Variants in CDIN1 observed in about 807,000 individuals in gnomAD.
CDIN1 encodes CDAN1 interacting nuclease 1, also known as CDAN1-interacting nuclease 1.
In CDIN1, 33 loss-of-function variants were observed where a neutral mutation model predicts 45.3. The observed-to-expected ratio is 0.73, with a 90% CI of 0.55 to 0.97. The LOEUF (loss-of-function observed/expected upper bound fraction) is 0.97. Ranked by LOEUF, CDIN1 falls within the 50% of genes least tolerant of loss-of-function variation. The probability of loss-of-function intolerance (pLI) is 0.00; values close to 1 mark genes in which losing one functional copy is unlikely to be tolerated. For synonymous variants in CDIN1, 118 were observed against 124.4 expected (o/e 0.95, Z 0.34); for missense variants, 303 against 339.4 (o/e 0.89, Z 0.84).
At chr15:36,667,510 T>C (rs997114647) in intron 5 of CDIN1, among the ~76,000 whole-genome samples, 1 of 152,166 alleles carries the variant, frequency 6.6e-6, no homozygotes, top group African/African-American at 2.4e-5. Flanking sequence ...CTATGGAAGG[T>C]TGAAATTCAA....
At chr15:36,710,031 T>C (rs557255697) in intron 10 of CDIN1, 70 bp downstream of exon 10, 27 of 1,194,362 alleles carry the variant, frequency 2.3e-5, no homozygotes, top group Non-Finnish European at 3.2e-5. Context: ...AAAAATATTT[T>C]GTTTAGCTGG....
rs2044106861 is a variant in CDIN1, at chr15:36,738,291, A to C, written c.716+28330A>C. Among the ~76,000 whole-genome samples, 3 of 152,244 alleles carry C rather than the reference A, an allele frequency of 2.0e-5. No homozygotes were observed. The South Asian group carries it at 6.2e-4, about 32-fold the overall frequency. On this transcript the variant is annotated intron_variant, in intron 10 of 10. Transcript: ENST00000566621. ...AATATATGGCAGATATCTCAAATTCAGCGTAGCCATATCTGAATTCCAGAT... is the reference window on the plus strand; with the variant it reads ...AATATATGGCAGATATCTCAAATTCCGCGTAGCCATATCTGAATTCCAGAT...
chr15:36,744,594 A>C (rs1487952346), intron 10 of CDIN1, among the ~76,000 whole-genome samples: 1 of 152,196 alleles, frequency 6.6e-6, no homozygotes, highest in African/African-American at 2.4e-5. Flanking sequence ...AAAATAAACA[A>C]GGAAATGAAT....
At chr15:36,717,178 G>T (rs542281285) in intron 10 of CDIN1, among the ~76,000 whole-genome samples, 1 of 152,180 alleles carries the variant, frequency 6.6e-6, no homozygotes, top group East Asian at 1.9e-4. Flanking sequence ...ACTTTATTGC[G>T]GTATAACTGA....
At chr15:36,715,199 T>A (rs1201388988) in intron 10 of CDIN1, among the ~76,000 whole-genome samples, 1 of 152,050 alleles carries the variant, frequency 6.6e-6, no homozygotes, top group Non-Finnish European at 1.5e-5. Context: ...GAGTTCTATC[T>A]GTCAGATTTT....
intron 8 of CDIN1, among the ~76,000 whole-genome samples, chr15:36,701,519 C>G: frequency 6.6e-6 from 1 of 152,000 alleles, no homozygotes; most frequent in East Asian, 1.9e-4. Context: ...TATGAAAGAG[C>G]GCATACAAAA....
At chr15:36,691,648 G>C (rs370000415) in intron 5 of CDIN1, 37 bp from the exon 6 acceptor site, 60 of 1,362,738 alleles carry the variant, frequency 4.4e-5, no homozygotes, top group Non-Finnish European at 5.7e-5. Flanking sequence ...AAAGTATGTT[G>C]ACTATCTGCT....
intron 1 of CDIN1, among the ~76,000 whole-genome samples, chr15:36,601,884 A>G (rs1325407161): frequency 6.6e-6 from 1 of 152,164 alleles, no homozygotes; most frequent in Non-Finnish European, 1.5e-5. Context: ...TTCGTCATGA[A>G]CCTGACACGA....
chr15:36,757,598 G>A (rs1021526489), intron 10 of CDIN1, among the ~76,000 whole-genome samples: 4 of 152,058 alleles, frequency 2.6e-5, no homozygotes, highest in Non-Finnish European at 5.9e-5. Flanking sequence ...ACAGCAGCCC[G>A]CTCCATCCTG....
At chr15:36,741,082 G>A (rs1595542875) in intron 10 of CDIN1, among the ~76,000 whole-genome samples, 1 of 152,150 alleles carries the variant, frequency 6.6e-6, no homozygotes, top group Non-Finnish European at 1.5e-5. Flanking sequence ...GAATATAGGT[G>A]TGGACCACCA....
chr15:36,713,945 G>T (rs1210348334), intron 10 of CDIN1, among the ~76,000 whole-genome samples: 1 of 152,106 alleles, frequency 6.6e-6, no homozygotes, highest in Non-Finnish European at 1.5e-5. Context: ...TTATCTACTG[G>T]TTTTATCCAT....
chr15:36,607,745 G>A (rs574478868), intron 1 of CDIN1, among the ~76,000 whole-genome samples: 2 of 152,046 alleles, frequency 1.3e-5, no homozygotes, highest in South Asian at 2.1e-4. Context: ...CCCTTTTTAA[G>A]TGTACAATTC....
At chr15:36,729,594 A>T (rs2043767268) in intron 10 of CDIN1, among the ~76,000 whole-genome samples, 1 of 152,172 alleles carries the variant, frequency 6.6e-6, no homozygotes, top group South Asian at 2.1e-4. Flanking sequence ...TTTACATCTG[A>T]ATTGTCAAAG....
intron 5 of CDIN1, chr15:36,668,943 A>G (rs1203664035): frequency 6.6e-6 from 1 of 152,154 alleles, no homozygotes; most frequent in Non-Finnish European, 1.5e-5. Context: ...TGATTTTTAT[A>G]GTAATAGGCA....
chr15:36,643,823 C>T (rs1298305990), intron 1 of CDIN1, among the ~76,000 whole-genome samples: 1 of 152,114 alleles, frequency 6.6e-6, no homozygotes, highest in Non-Finnish European at 1.5e-5. Context: ...AAAGTTTTCT[C>T]CCTGAAACTG....
chr15:36,668,879 T>G (rs2041346428), intron 5 of CDIN1: 1 of 152,082 alleles, frequency 6.6e-6, no homozygotes, highest in African/African-American at 2.4e-5. Flanking sequence ...TTAAAGATGA[T>G]TTTGTAAATT....
intron 1 of CDIN1, among the ~76,000 whole-genome samples, chr15:36,606,054 G>A (rs949450611): frequency 6.6e-6 from 1 of 151,874 alleles, no homozygotes; most frequent in Non-Finnish European, 1.5e-5. Context: ...TTTGACGTGA[G>A]TGTTATCTTA....
intron 1 of CDIN1, among the ~76,000 whole-genome samples, chr15:36,632,328 C>T (rs1189704297): frequency 6.6e-6 from 1 of 152,120 alleles, no homozygotes; most frequent in Non-Finnish European, 1.5e-5. Context: ...CTCTGAAGTT[C>T]TCTCATCTGA....
chr15:36,759,107 G>A (rs1257685368), intron 10 of CDIN1, among the ~76,000 whole-genome samples: 1 of 152,086 alleles, frequency 6.6e-6, no homozygotes, highest in African/African-American at 2.4e-5. Flanking sequence ...GGTTTTCATC[G>A]AGAGCAGAAT....
Sources: allele counts gnomAD v4.1 joint callset (sites outside exome capture counted in the v4.1 genomes callset), GRCh38; gene constraint gnomAD v4.1.1; transcripts MANE v1.5; gene names NCBI Gene and HGNC (gene_info 2026-07-23, HGNC 2026-07-21).